The following NOTCH2NLC variants were observed in gnomAD, a reference collection of about 807,000 sequenced individuals.
The protein encoded by NOTCH2NLC is notch 2 N-terminal like C.
Under a neutral mutation model 17.7 loss-of-function variants are expected in NOTCH2NLC, and 4 were observed. The ratio of observed to expected loss-of-function variants is 0.23; its 90% CI spans 0.11 to 0.52. The LOEUF (loss-of-function observed/expected upper bound fraction) is 0.52, where lower values mean the gene tolerates loss of function less well. Among genes scored for constraint, NOTCH2NLC ranks in the 20% least tolerant of loss-of-function variants. NOTCH2NLC has a pLI of 0.96. For synonymous variants in NOTCH2NLC, 18 were observed against 86.0 expected (o/e 0.21, Z 4.38); for missense variants, 57 against 207.2 (o/e 0.28, Z 4.45).
intron 1 of NOTCH2NLC, among the ~76,000 whole-genome samples, chr1:149,413,166 C>T (rs1345669475): frequency 1.3e-5 from 2 of 150,630 alleles, no homozygotes; most frequent in African/African-American, 2.4e-5. Context: ...CCTCAGCCTC[C>T]CAGAGTGCTG....
Position 149,471,461 on chromosome 1 carries a change from A to T in NOTCH2NLC, c.*7308A>T, listed in dbSNP as rs1273320911. Among the ~76,000 whole-genome samples the T allele has an allele frequency of 6.6e-6, 1 of 150,584 alleles. No homozygotes were observed. Among genetic ancestry groups the T allele is most frequent in the East Asian group, 2.0e-4 (1 of 5,104 alleles). On this transcript the variant is annotated 3_prime_UTR_variant, in exon 5 of 5. Transcript: ENST00000650865. ...TTTACCACCTACCTTTAGGTCTCTG[A>T]TCCATTTTGAGTTAATTTTTATGTG... is the stretch of plus-strand genomic sequence containing the variant.
At chr1:149,395,430 T>G (rs2084199451) in intron 1 of NOTCH2NLC, among the ~76,000 whole-genome samples, 1 of 139,688 alleles carries the variant, frequency 7.2e-6, no homozygotes, top group African/African-American at 2.7e-5. Context: ...TTTAAACTTG[T>G]AATTTTGAAT....
intron 3 of NOTCH2NLC, among the ~76,000 whole-genome samples, chr1:149,457,516 T>C (rs1279716025): frequency 7.1e-6 from 1 of 140,172 alleles, no homozygotes; most frequent in African/African-American, 2.6e-5. Context: ...TTGGTGGCAA[T>C]CTTAATATAT....
intron 1 of NOTCH2NLC, among the ~76,000 whole-genome samples, chr1:149,398,384 T>G (rs1427483550): frequency 6.7e-6 from 1 of 149,802 alleles, no homozygotes; most frequent in Non-Finnish European, 1.5e-5. Flanking sequence ...AAGCCTGAAC[T>G]AGGACAAGTT....
At position 149,390,710 on chromosome 1, in the gene NOTCH2NLC, C is replaced by G. The variant is rs2084153535; in HGVS notation, c.-78C>G. The G allele has an allele frequency of 4.0e-6, 5 of 1,244,254 alleles. No homozygotes were observed. Among genetic ancestry groups the G allele is most frequent in the Non-Finnish European group, 5.0e-6 (5 of 991,564 alleles). The allele number at this position is 1,244,254 out of a possible 1,614,324, so 77.1% of individuals were successfully genotyped here. ...AGGCATTTGCGCCTGTGCTTCGGAC[C>G]GTAGCGCCAGGGCCTGAGCCTTTGA... On this transcript the variant is annotated 5_prime_UTR_variant, in exon 1 of 5. Coordinates refer to ENST00000650865, the MANE Select transcript of NOTCH2NLC (RefSeq NM_001364013.2).
intron 1 of NOTCH2NLC, among the ~76,000 whole-genome samples, chr1:149,428,877 T>G (rs2084427516): frequency 6.6e-6 from 1 of 150,422 alleles, no homozygotes; most frequent in African/African-American, 2.4e-5. Context: ...TGTGACGGTT[T>G]TATTTATTTA....
intron 1 of NOTCH2NLC, among the ~76,000 whole-genome samples, chr1:149,416,854 G>A (rs1161487413): frequency 2.9e-4 from 41 of 140,622 alleles, no homozygotes; most frequent in Non-Finnish European, 3.1e-5. Context: ...ATGGGTGTTA[G>A]TCATTAGGGC....
At chr1:149,414,686 AT>A (rs1242752371) in intron 1 of NOTCH2NLC, among the ~76,000 whole-genome samples, 19 of 150,774 alleles carry the variant, frequency 1.3e-4, no homozygotes, top group Non-Finnish European at 2.4e-4. Context: ...ATGTTTTAAA[AT>A]TTCTTCCAGT....
intron 2 of NOTCH2NLC, among the ~76,000 whole-genome samples, chr1:149,445,183 G>A: frequency 6.8e-6 from 1 of 146,038 alleles, no homozygotes; most frequent in African/African-American, 2.6e-5. Context: ...GTACTGAAAG[G>A]AGGGAGACCA....
In NOTCH2NLC at chr1:149,425,519, T is replaced by G. The variant is rs1291970878; in HGVS notation, c.136-5423T>G. Among the ~76,000 whole-genome samples the G allele has an allele frequency of 9.9e-5, 15 of 151,018 alleles. 1 individual carries two copies. Among genetic ancestry groups the G allele is most frequent in the Non-Finnish European group, 1.9e-4 (13 of 67,528 alleles). The stretch of plus-strand genomic sequence containing the variant: ...ACTGGGCACGTAAAGTAAGCTCTGA[T>G]CTGGAAGGCCAGCATGGGAGCCTAG... On this transcript the variant is annotated intron_variant, in intron 1 of 4. Transcript: ENST00000650865.
chr1:149,398,150 C>T (rs2084219351), intron 1 of NOTCH2NLC, among the ~76,000 whole-genome samples: 1 of 151,242 alleles, frequency 6.6e-6, no homozygotes, highest in Non-Finnish European at 1.5e-5. Context: ...GAAAGGCGAC[C>T]TCCAGCTCAC....
In NOTCH2NLC at chr1:149,464,877, G is replaced by A. The variant is rs1416277350; in HGVS notation, c.*724G>A. ...GGGAATCTTAGATTCTGGTATTGTG[G>A]ATATGGTTCACATATAATGGGATTG... is the stretch of plus-strand genomic sequence containing the variant. On this transcript the variant is annotated 3_prime_UTR_variant, in exon 5 of 5. Transcript: ENST00000650865. The A allele has an allele frequency of 2.0e-5, 3 of 149,868 alleles. No homozygotes were observed. Among genetic ancestry groups the A allele is most frequent in the African/African-American group, 7.3e-5 (3 of 40,898 alleles). 9.3% of individuals were successfully genotyped at this position (149,868 alleles called of 1,614,324 possible).
In NOTCH2NLC at chr1:149,432,112, C is replaced by T. The variant is rs2084454839; in HGVS notation, c.209+1097C>T. ...TAAAATTTGGTAATATGAAATTTCTCTTCTTTTCCTTCATTTTTGTGAGGA... is the reference window on the plus strand; with the variant it reads ...TAAAATTTGGTAATATGAAATTTCTTTTCTTTTCCTTCATTTTTGTGAGGA... On this transcript the variant is annotated intron_variant, in intron 2 of 4. Transcript: ENST00000650865. Among the ~76,000 whole-genome samples the T allele has an allele frequency of 3.1e-5, 4 of 128,504 alleles. No individual in the cohort carries two copies. In the Middle Eastern group the frequency reaches 0.015, roughly 483 times the overall value. 84.3% of individuals were successfully genotyped at this position (128,504 alleles called of 152,430 possible).
At chr1:149,408,704 G>A in intron 1 of NOTCH2NLC, 1 of 858,794 alleles carries the variant, frequency 1.2e-6, no homozygotes. Context: ...TTTTAGCCTA[G>A]TCTCTGCCTT....
intron 2 of NOTCH2NLC, among the ~76,000 whole-genome samples, chr1:149,435,514 C>A (rs2084476951): frequency 6.8e-6 from 1 of 148,146 alleles, no homozygotes; most frequent in Non-Finnish European, 1.5e-5. Flanking sequence ...AAGATGTGAC[C>A]CTTCTAGGGG....
chr1:149,429,440 A>G (rs2084431696), intron 1 of NOTCH2NLC, among the ~76,000 whole-genome samples: 2 of 149,930 alleles, frequency 1.3e-5, no homozygotes, highest in African/African-American at 4.9e-5. Flanking sequence ...CAGGCCACTT[A>G]TCCTCCCTGT....
intron 2 of NOTCH2NLC, among the ~76,000 whole-genome samples, chr1:149,445,866 T>C (rs1278518927): frequency 2.7e-5 from 4 of 147,470 alleles, no homozygotes; most frequent in African/African-American, 5.0e-5. Flanking sequence ...TGCTTTGTTG[T>C]TGTTGTTTTT....
intron 3 of NOTCH2NLC, among the ~76,000 whole-genome samples, chr1:149,462,090 C>T (rs1170738198): frequency 1.4e-5 from 2 of 142,624 alleles, no homozygotes; most frequent in African/African-American, 2.6e-5. Context: ...ATGTAACAAA[C>T]CTGCATGTTG....
chr1:149,407,139 C>G (rs1336226082), intron 1 of NOTCH2NLC, among the ~76,000 whole-genome samples: 3 of 150,934 alleles, frequency 2.0e-5, no homozygotes, highest in African/African-American at 7.3e-5. Flanking sequence ...AGAACTCTTT[C>G]AATAAGAAGG....
Sources: allele counts gnomAD v4.1 joint callset (sites outside exome capture counted in the v4.1 genomes callset), GRCh38; gene constraint gnomAD v4.1.1; transcripts MANE v1.5; gene names NCBI Gene and HGNC (gene_info 2026-07-23, HGNC 2026-07-21).